IL1RAPL2: variants seen among roughly 807,000 people sequenced by gnomAD.
IL1RAPL2 encodes the protein interleukin 1 receptor accessory protein like 2.
A neutral mutation model predicts 44.1 loss-of-function variants in IL1RAPL2; 3 were observed. That is an observed-to-expected ratio of 0.07 (90% CI 0.03 to 0.18). The LOEUF is 0.18. Ranked by LOEUF, IL1RAPL2 falls within the 10% of genes least tolerant of loss-of-function variation. The pLI is 1.00. For synonymous variants in IL1RAPL2, 181 were observed against 178.8 expected (o/e 1.01, Z -0.10); for missense variants, 391 against 496.4 (o/e 0.79, Z 2.02).
At chrX:105,235,682 T>C (rs1452949438) in intron 4 of IL1RAPL2, among the ~76,000 whole-genome samples, 1 of 112,397 alleles carries the variant, frequency 8.9e-6, no homozygotes, top group Admixed American at 9.4e-5. Flanking sequence ...CACAAACATA[T>C]AGACTACAGG....
At chrX:105,299,727 T>G (rs1047923597) in intron 5 of IL1RAPL2, among the ~76,000 whole-genome samples, 1 of 111,849 alleles carries the variant, frequency 8.9e-6, no homozygotes, top group African/African-American at 3.3e-5. Context: ...GTGCAAATGG[T>G]CAGTTATCTA....
chrX:104,867,062 C>T (rs182888477), intron 2 of IL1RAPL2, among the ~76,000 whole-genome samples: 1 of 108,228 alleles, frequency 9.2e-6, no homozygotes, highest in African/African-American at 3.4e-5. Context: ...GGTGAAACCC[C>T]GTCTTTACTA....
In IL1RAPL2 at chrX:104,877,800, A is replaced by T. The variant is rs181308574; in HGVS notation, c.82+218805A>T. Reference sequence around the variant, plus strand: ...GGGGTAAAGGAGATAACGTAAACTCAGTCTGTGAATAAACAATATTGTTTA... The same window carrying T: ...GGGGTAAAGGAGATAACGTAAACTCTGTCTGTGAATAAACAATATTGTTTA... On this transcript the variant is annotated intron_variant, in intron 2 of 10. Coordinates refer to ENST00000372582, the MANE Select transcript of IL1RAPL2 (RefSeq NM_017416.2). Among the ~76,000 whole-genome samples the T allele has an allele frequency of 5.4e-5, 6 of 111,503 alleles. No individual in the cohort carries two copies. The East Asian group carries it at 1.7e-3, about 32-fold the overall frequency.
chrX:104,837,538 T>C (rs1051559971), intron 2 of IL1RAPL2, among the ~76,000 whole-genome samples: 1 of 112,222 alleles, frequency 8.9e-6, no homozygotes, highest in African/African-American at 3.2e-5. Context: ...TTGAGAAGTG[T>C]CTGTTCATAT....
chrX:105,101,539 T>C (rs1012684436), intron 2 of IL1RAPL2, among the ~76,000 whole-genome samples: 2 of 112,011 alleles, frequency 1.8e-5, no homozygotes, highest in African/African-American at 6.5e-5. Context: ...TACCAGTATC[T>C]ACTTGGTCTG....
intron 5 of IL1RAPL2, among the ~76,000 whole-genome samples, chrX:105,304,048 C>T (rs1408176840): frequency 8.9e-6 from 1 of 112,985 alleles, no homozygotes; most frequent in Non-Finnish European, 1.9e-5. Flanking sequence ...AGCCAGGCAT[C>T]CACTTGGGCT....
At chrX:104,605,430 A>G (rs149937186) in intron 1 of IL1RAPL2, among the ~76,000 whole-genome samples, 2,054 of 111,405 alleles carry the variant, frequency 0.018, 52 homozygotes, top group African/African-American at 0.063. Context: ...AGAACAAACA[A>G]ATTCAAAAGC....
chrX:104,788,479 TA>T (rs1300604341), intron 2 of IL1RAPL2, among the ~76,000 whole-genome samples: 1 of 112,231 alleles, frequency 8.9e-6, no homozygotes, highest in East Asian at 2.8e-4. Context: ...CAGCGTCAAT[TA>T]TATGCAAAGT....
chrX:105,685,407 C>T (rs1012522157), intron 6 of IL1RAPL2, among the ~76,000 whole-genome samples: 1 of 111,691 alleles, frequency 9.0e-6, no homozygotes, highest in Non-Finnish European at 1.9e-5. Context: ...TTTCATGATG[C>T]ATGCGGAAGT....
intron 6 of IL1RAPL2, among the ~76,000 whole-genome samples, chrX:105,552,923 T>G (rs1223274473): frequency 8.9e-6 from 1 of 112,579 alleles, no homozygotes; most frequent in Non-Finnish European, 1.9e-5. Flanking sequence ...GTGTTAAGTA[T>G]TCTTTATACT....
chrX:104,842,864 G>A (rs777064710), intron 2 of IL1RAPL2, among the ~76,000 whole-genome samples: 6 of 112,762 alleles, frequency 5.3e-5, no homozygotes, highest in Non-Finnish European at 7.5e-5. Context: ...CAGGAGGCAC[G>A]GGGGTCAGGT....
intron 2 of IL1RAPL2, among the ~76,000 whole-genome samples, chrX:104,758,485 C>G (rs923342673): frequency 2.7e-5 from 3 of 111,176 alleles, no homozygotes; most frequent in Non-Finnish European, 3.8e-5. Flanking sequence ...CTAAAGGGGG[C>G]TTTTCTCAAA....
chrX:104,917,651 G>T (rs1602818106), intron 2 of IL1RAPL2, among the ~76,000 whole-genome samples: 1 of 111,763 alleles, frequency 8.9e-6, no homozygotes, highest in African/African-American at 3.3e-5. Context: ...TATTGGCCCT[G>T]GTAGAAATGC....
intron 2 of IL1RAPL2, among the ~76,000 whole-genome samples, chrX:104,895,083 G>A (rs942787303): frequency 6.2e-5 from 7 of 112,342 alleles, no homozygotes; most frequent in East Asian, 2.8e-4. Context: ...TATCAGCAGC[G>A]GAGGCTGCAG....
At chrX:104,624,514 A>G (rs1355852986) in intron 1 of IL1RAPL2, among the ~76,000 whole-genome samples, 1 of 111,771 alleles carries the variant, frequency 8.9e-6, no homozygotes, top group African/African-American at 3.2e-5. Flanking sequence ...CACCATATCA[A>G]TGTTGGTTGA....
chrX:104,702,239 A>G (rs1400152312), intron 2 of IL1RAPL2, among the ~76,000 whole-genome samples: 1 of 111,590 alleles, frequency 9.0e-6, no homozygotes, highest in Non-Finnish European at 1.9e-5. Context: ...TTGTCACATT[A>G]TATAAATTGA....
At chrX:105,068,395 G>A (rs750699854) in intron 2 of IL1RAPL2, among the ~76,000 whole-genome samples, 3 of 111,760 alleles carry the variant, frequency 2.7e-5, no homozygotes, top group South Asian at 3.7e-4. Context: ...TGTGTTCTAC[G>A]TTCTTTCCCC....
intron 5 of IL1RAPL2, among the ~76,000 whole-genome samples, chrX:105,400,670 C>CATA (rs202011528): frequency 0.061 from 6,788 of 111,283 alleles, 498 homozygotes; most frequent in African/African-American, 0.21. Flanking sequence ...AGTTATATTA[C>CATA]CTGGTTTTAT....
intron 1 of IL1RAPL2, among the ~76,000 whole-genome samples, chrX:104,608,489 A>G (rs1288795983): frequency 9.0e-6 from 1 of 110,546 alleles, no homozygotes; most frequent in Non-Finnish European, 1.9e-5. Flanking sequence ...GTAGTTCTCT[A>G]AGAACTTACT....
Sources: gnomAD v4.1 joint callset for allele counts (sites outside exome capture counted in the v4.1 genomes callset) on GRCh38, gnomAD v4.1.1 for gene constraint, MANE v1.5 for transcripts, NCBI Gene and HGNC (gene_info 2026-07-23, HGNC 2026-07-21) for gene names.